RO60: variants seen among roughly 807,000 people sequenced by gnomAD.
RO60 encodes the protein Ro60, Y RNA binding protein.
In RO60, 20 loss-of-function variants were observed where a neutral mutation model predicts 55.3. The ratio of observed to expected loss-of-function variants is 0.36; its 90% CI spans 0.25 to 0.53. The LOEUF (loss-of-function observed/expected upper bound fraction) is 0.53. Ranked by LOEUF, RO60 falls within the 20% of genes least tolerant of loss-of-function variation. RO60 has a pLI of 0.92. For missense variants in RO60, 558 were observed against 646.6 expected, an observed-to-expected ratio of 0.86 and a Z score of 1.49; for synonymous variants, 213 against 213.6, an observed-to-expected ratio of 1.00 and a Z score of 0.02.
At position 193,084,706 on chromosome 1, in the gene RO60, G is replaced by A. The variant is rs768467310; in HGVS notation, c.1592G>A (p.Arg531Gln). ...GFDTGALDVIRNFTLDMI is the reference protein window; with the variant it reads ...GFDTGALDVIQNFTLDMI ...GATACTGGAGCTCTGGATGTAATTC[G>A]AAATTTCACATTAGATATGATTTAA... The change falls in exon 9 of 9, where the codon CGA becomes CAA. Residue 531 changes from arginine (R) to glutamine (Q), a missense_variant. Arg to Gln is a conservative substitution (Grantham distance 43). Transcript: ENST00000400968. 6.2e-6 allele frequency: 10 copies of A among 1,612,858 alleles called. No individual in the cohort carries two copies. In the African/African-American group the frequency reaches 6.7e-5, roughly 11 times the overall value.
intron 4 of RO60, 84 bp downstream of exon 4, chr1:193,076,731 T>A: frequency 7.0e-7 from 1 of 1,430,382 alleles, no homozygotes; most frequent in Non-Finnish European, 9.5e-7. Flanking sequence ...AGTGCATTTT[T>A]AAGGTATTTC....
Position 193,089,960 on chromosome 1 carries a change from C to T in RO60, c.*5229C>T, listed in dbSNP as rs1422722987. The stretch of plus-strand genomic sequence containing the variant: ...AGCTGGGATTACAGGCACGCGCCAC[C>T]ACGCCCACCTAATTTTTGTATTTTT... On this transcript the variant is annotated 3_prime_UTR_variant, in exon 9 of 9. Transcript: ENST00000400968. The T allele has an allele frequency of 2.6e-5, 4 of 152,176 alleles. No homozygotes were observed. Among genetic ancestry groups the T allele is most frequent in the Non-Finnish European group, 5.9e-5 (4 of 68,126 alleles). 9.4% of individuals were successfully genotyped at this position (152,176 alleles called of 1,614,324 possible).
chr1:193,060,018 C>T, intron 1 of RO60: 2 of 1,357,382 alleles, frequency 1.5e-6, no homozygotes, highest in South Asian at 1.1e-5. Flanking sequence ...TGGGCCCTTT[C>T]CGAAGCCGGG....
Position 193,085,395 on chromosome 1 carries a change from C to A in RO60, c.*664C>A. Reference sequence around the variant, plus strand: ...CATTAATCAGAAACATCATGGCAACCCCTAAGAATAGACTAAGTTTGTGTT... The same window carrying A: ...CATTAATCAGAAACATCATGGCAACACCTAAGAATAGACTAAGTTTGTGTT... On this transcript the variant is annotated 3_prime_UTR_variant, in exon 9 of 9. Coordinates refer to ENST00000400968, the MANE Select transcript of RO60 (RefSeq NM_001173524.2). The A allele has an allele frequency of 1.0e-6, 1 of 988,366 alleles. No individual in the cohort carries two copies. Among genetic ancestry groups the A allele is most frequent in the South Asian group, 4.7e-5 (1 of 21,422 alleles). 61.2% of individuals were successfully genotyped at this position (988,366 alleles called of 1,614,324 possible). A position where few individuals can be genotyped will look rare whatever the true frequency, so the allele number is the denominator to read the frequency against.
intron 1 of RO60, among the ~76,000 whole-genome samples, chr1:193,062,691 C>G (rs1672859733): frequency 6.6e-6 from 1 of 152,174 alleles, no homozygotes; most frequent in Non-Finnish European, 1.5e-5. Flanking sequence ...TTCCCCCACT[C>G]CGACAGCCTC....
At position 193,088,156 on chromosome 1, in the gene RO60, C is replaced by T. The variant is rs983526220; in HGVS notation, c.*3425C>T. 2 of 144,912 alleles carry T rather than the reference C, an allele frequency of 1.4e-5. No homozygotes were observed. The highest frequency in any genetic ancestry group is 5.8e-5 in the African/African-American group (2 of 34,292). 9.0% of individuals were successfully genotyped at this position (144,912 alleles called of 1,614,324 possible). A position where few individuals can be genotyped will look rare whatever the true frequency, so the allele number is the denominator to read the frequency against. ...AACACTGGTGTGCACTGCACTACCA[C>T]GCCTGCTTTTTTTTTTTTTTTTTTT... On this transcript the variant is annotated 3_prime_UTR_variant, in exon 9 of 9. Transcript: ENST00000400968.
chr1:193,073,047 C>G (rs1454899303), intron 2 of RO60, among the ~76,000 whole-genome samples: 9 of 152,152 alleles, frequency 5.9e-5, no homozygotes, highest in Non-Finnish European at 1.3e-4. Context: ...GTATTTATAA[C>G]AGACAAAACA....
At chr1:193,080,515 G>C (rs939178217) in intron 5 of RO60, among the ~76,000 whole-genome samples, 3 of 152,066 alleles carry the variant, frequency 2.0e-5, no homozygotes, top group African/African-American at 7.2e-5. Context: ...ATGTATTCTT[G>C]TCTTTTATTT....
intron 1 of RO60, among the ~76,000 whole-genome samples, chr1:193,061,693 G>A (rs1572052370): frequency 6.6e-6 from 1 of 152,138 alleles, no homozygotes; most frequent in Non-Finnish European, 1.5e-5. Context: ...TTTAATATGC[G>A]GCCATGCTTG....
At chr1:193,060,630 G>A (rs1328260164) in intron 1 of RO60, among the ~76,000 whole-genome samples, 1 of 152,076 alleles carries the variant, frequency 6.6e-6, no homozygotes, top group Non-Finnish European at 1.5e-5. Context: ...AAATAAACGT[G>A]GTAAATTTTA....
In RO60 at chr1:193,082,277, A is replaced by G; in HGVS notation, c.1295A>G (p.Gln432Arg). 3.7e-6 allele frequency: 6 copies of G among 1,610,334 alleles called. No individual in the cohort carries two copies. In the South Asian group the frequency reaches 6.7e-5, roughly 18 times the overall value. ...GTGACTACAGATATGACCTTACAAC[A>G]GGTTTTAATGGCTATGAGTCAGGTA... ...CPVTTDMTLQ[Q>R]VLMAMSQIPA... The change falls in exon 7 of 9, where the codon CAG (glutamine) becomes CGG (arginine). Residue 432 changes from glutamine to arginine, a missense_variant. Coordinates refer to ENST00000400968, the MANE Select transcript of RO60 (RefSeq NM_001173524.2).
At chr1:193,071,872 A>G (rs1224267341) in intron 2 of RO60, among the ~76,000 whole-genome samples, 1 of 149,196 alleles carries the variant, frequency 6.7e-6, no homozygotes, top group Non-Finnish European at 1.5e-5. Flanking sequence ...GTATGTATAT[A>G]TAATATATAT....
chr1:193,071,752 A>G (rs568852461), intron 2 of RO60, among the ~76,000 whole-genome samples: 27 of 148,400 alleles, frequency 1.8e-4, no homozygotes, highest in Non-Finnish European at 3.3e-4. Flanking sequence ...ACACCTATAT[A>G]TTGTATAATA....
At chr1:193,070,428 A>G (rs1278528730) in intron 2 of RO60, 1 of 317,324 alleles carries the variant, frequency 3.2e-6, no homozygotes, top group Non-Finnish European at 6.5e-6. Flanking sequence ...TGGCTCCGTA[A>G]TAATTACTAG....
chr1:193,077,733 A>G (rs1438223798), intron 5 of RO60, among the ~76,000 whole-genome samples: 1 of 152,084 alleles, frequency 6.6e-6, no homozygotes, highest in East Asian at 1.9e-4. Context: ...TATGGTGCTA[A>G]ACTATTAGAA....
chr1:193,076,696 G>T, intron 4 of RO60, 49 bp downstream of exon 4: 1 of 1,520,952 alleles, frequency 6.6e-7, no homozygotes, highest in Non-Finnish European at 8.8e-7. Flanking sequence ...TGAGAAAGTG[G>T]CTCCTAAATT....
At chr1:193,064,289 C>G (rs1317999520) in intron 1 of RO60, among the ~76,000 whole-genome samples, 1 of 152,214 alleles carries the variant, frequency 6.6e-6, no homozygotes, top group Admixed American at 6.5e-5. Context: ...GTTTATTCCT[C>G]TAAACATATA....
At chr1:193,061,809 C>A (rs1389307531) in intron 1 of RO60, among the ~76,000 whole-genome samples, 1 of 152,064 alleles carries the variant, frequency 6.6e-6, no homozygotes. Flanking sequence ...ATGGTGAAAC[C>A]CCGTCTCTAC....
At chr1:193,080,108 G>T (rs1357187156) in intron 5 of RO60, among the ~76,000 whole-genome samples, 1 of 151,818 alleles carries the variant, frequency 6.6e-6, no homozygotes, top group African/African-American at 2.4e-5. Context: ...TCCACCCTGG[G>T]CAACAAGAGT....
Sources: gnomAD v4.1 joint callset for allele counts (sites outside exome capture counted in the v4.1 genomes callset) on GRCh38, gnomAD v4.1.1 for gene constraint, MANE v1.5 for transcripts, NCBI Gene and HGNC (gene_info 2026-07-23, HGNC 2026-07-21) for gene names.